The following ANKRD44 variants were observed in gnomAD, a reference collection of about 807,000 sequenced individuals.
ANKRD44 encodes ankyrin repeat domain 44, also known as serine/threonine-protein phosphatase 6 regulatory ankyrin repeat subunit B.
In ANKRD44, 35 loss-of-function variants were observed where a neutral mutation model predicts 116.0. That is an observed-to-expected ratio of 0.30 (90% CI 0.23 to 0.40). The LOEUF (loss-of-function observed/expected upper bound fraction) is 0.40, where lower values mean the gene tolerates loss of function less well. ANKRD44 is among the 10% of genes least tolerant of loss of function. The pLI is 1.00. For synonymous variants in ANKRD44, 435 were observed against 461.8 expected (o/e 0.94, Z 0.74); for missense variants, 1,014 against 1,242.6 (o/e 0.82, Z 2.77).
intron 1 of ANKRD44, among the ~76,000 whole-genome samples, chr2:197,287,347 G>A (rs992879506): frequency 6.6e-6 from 1 of 152,150 alleles, no homozygotes; most frequent in African/African-American, 2.4e-5. Flanking sequence ...AAAGTATGAA[G>A]GAAGAGATTA....
chr2:197,026,350 C>T (rs1399876698), intron 16 of ANKRD44, among the ~76,000 whole-genome samples: 1 of 152,196 alleles, frequency 6.6e-6, no homozygotes, highest in Non-Finnish European at 1.5e-5. Context: ...GTTCAAAGAA[C>T]TCGAGGGGAG....
chr2:197,086,432 C>T (rs891042318), intron 13 of ANKRD44, among the ~76,000 whole-genome samples: 1 of 151,610 alleles, frequency 6.6e-6, no homozygotes, highest in African/African-American at 2.4e-5. Flanking sequence ...TTTGTTTTGT[C>T]TTTTAACTGA....
chr2:197,115,214 T>C (rs551779529), intron 8 of ANKRD44, among the ~76,000 whole-genome samples: 13 of 152,316 alleles, frequency 8.5e-5, no homozygotes, highest in African/African-American at 2.9e-4. Context: ...CAATGGCAAT[T>C]TCTGAGTCTG....
chr2:197,153,098 T>C (rs1335397351), intron 2 of ANKRD44, among the ~76,000 whole-genome samples: 1 of 151,532 alleles, frequency 6.6e-6, no homozygotes, highest in Admixed American at 6.6e-5. Flanking sequence ...TCCCAGATAC[T>C]TGGGAGGCTG....
chr2:197,255,566 TG>T (rs1270859679), intron 1 of ANKRD44, among the ~76,000 whole-genome samples: 2 of 152,256 alleles, frequency 1.3e-5, no homozygotes, highest in Non-Finnish European at 2.9e-5. Flanking sequence ...ATCATAGTTT[TG>T]GAATTGAGAA....
At chr2:197,016,165 C>A (rs1288814980) in intron 17 of ANKRD44, 3 of 301,950 alleles carry the variant, frequency 9.9e-6, no homozygotes, top group South Asian at 2.9e-5. Context: ...AGAAAAGTTA[C>A]CGCAGCTTAA....
chr2:197,263,495 T>C, intron 1 of ANKRD44: 1 of 385,346 alleles, frequency 2.6e-6, no homozygotes, highest in South Asian at 3.5e-5. Flanking sequence ...ATGGGGCTCT[T>C]TTGCCTGATG....
At chr2:197,119,197 G>T (rs1308951478) in intron 8 of ANKRD44, among the ~76,000 whole-genome samples, 1 of 151,936 alleles carries the variant, frequency 6.6e-6, no homozygotes, top group Non-Finnish European at 1.5e-5. Flanking sequence ...TCATATATAT[G>T]ATTATTTTCC....
intron 21 of ANKRD44, among the ~76,000 whole-genome samples, chr2:196,969,594 C>A (rs930072061): frequency 7.2e-5 from 11 of 152,162 alleles, no homozygotes; most frequent in Non-Finnish European, 1.6e-4. Context: ...AGTGATATAC[C>A]AGCTACATTG....
At chr2:197,007,987 T>A in intron 19 of ANKRD44, 64 bp from the exon 20 acceptor site, 1 of 1,002,952 alleles carries the variant, frequency 1.0e-6, no homozygotes, top group African/African-American at 2.7e-5. Context: ...TCACTACCAG[T>A]AGGAAGACAT....
intron 16 of ANKRD44, among the ~76,000 whole-genome samples, chr2:197,074,239 C>T (rs887151384): frequency 4.6e-5 from 7 of 152,196 alleles, no homozygotes; most frequent in Non-Finnish European, 8.8e-5. Context: ...GAGAACACTG[C>T]CCCTTGGCAG....
intron 1 of ANKRD44, among the ~76,000 whole-genome samples, chr2:197,257,709 C>CA (rs1050984344): frequency 2.6e-5 from 4 of 152,178 alleles, no homozygotes; most frequent in African/African-American, 9.7e-5. Flanking sequence ...CAAATATATA[C>CA]ACCTACTATG....
chr2:197,118,223 T>C (rs967611092), intron 8 of ANKRD44, among the ~76,000 whole-genome samples: 1 of 150,854 alleles, frequency 6.6e-6, no homozygotes, highest in Non-Finnish European at 1.5e-5. Flanking sequence ...AATAAAAAAA[T>C]AATAATAATA....
chr2:197,012,543 G>T (rs577707153), intron 18 of ANKRD44, among the ~76,000 whole-genome samples: 1 of 144,296 alleles, frequency 6.9e-6, no homozygotes, highest in African/African-American at 2.5e-5. Flanking sequence ...TATGGCTAAC[G>T]TTTTTTTTTT....
intron 21 of ANKRD44, among the ~76,000 whole-genome samples, chr2:196,977,277 T>G (rs1368882593): frequency 6.6e-6 from 1 of 152,204 alleles, no homozygotes; most frequent in African/African-American, 2.4e-5. Flanking sequence ...GTATAAGAGC[T>G]AAATCTATAA....
intron 1 of ANKRD44, among the ~76,000 whole-genome samples, chr2:197,285,069 G>A (rs559142788): frequency 3.3e-5 from 5 of 151,740 alleles, no homozygotes; most frequent in Admixed American, 3.3e-4. Context: ...CCTAAAAGAT[G>A]TTCCCTTTGA....
intron 17 of ANKRD44, among the ~76,000 whole-genome samples, chr2:197,016,754 A>G (rs1230384327): frequency 1.3e-5 from 2 of 152,208 alleles, no homozygotes; most frequent in Admixed American, 6.5e-5. Flanking sequence ...AAAAAAAAGA[A>G]AAGAAAAGCC....
In ANKRD44 at chr2:197,310,680, A is replaced by G; in HGVS notation, c.-76T>C. 7.9e-7 allele frequency: 1 copy of G among 1,266,972 alleles called. No homozygotes were observed. The highest frequency in any genetic ancestry group is 3.0e-5 in the Admixed American group (1 of 33,530). 78.5% of individuals were successfully genotyped at this position (1,266,972 alleles called of 1,614,324 possible). A position where few individuals can be genotyped will look rare whatever the true frequency, so the allele number is the denominator to read the frequency against. ...TCACGCCGGGAGCCGGGGAAGCGGAAGGGATTGCCAGGAGAAGGGAAAAAA... is the reference window on the plus strand; with the variant it reads ...TCACGCCGGGAGCCGGGGAAGCGGAGGGGATTGCCAGGAGAAGGGAAAAAA... On this transcript the variant is annotated 5_prime_UTR_variant, in exon 1 of 28. Coordinates refer to ENST00000282272, the MANE Select transcript of ANKRD44 (RefSeq NM_001195144.2).
At chr2:197,247,253 A>G (rs76618432) in intron 1 of ANKRD44, among the ~76,000 whole-genome samples, 37 of 152,312 alleles carry the variant, frequency 2.4e-4, no homozygotes, top group African/African-American at 8.4e-4. Flanking sequence ...TTATTAGGTT[A>G]ATTATTCATC....
Sources: gnomAD v4.1 joint callset for allele counts (sites outside exome capture counted in the v4.1 genomes callset) on GRCh38, gnomAD v4.1.1 for gene constraint, MANE v1.5 for transcripts, NCBI Gene and HGNC (gene_info 2026-07-23, HGNC 2026-07-21) for gene names.